Variants in MXI1 observed in about 807,000 individuals in gnomAD.
The protein encoded by MXI1 is MAX interactor 1, dimerization protein.
Under a neutral mutation model 36.9 loss-of-function variants are expected in MXI1, and 18 were observed. The ratio of observed to expected loss-of-function variants is 0.49; its 90% CI spans 0.34 to 0.72. The LOEUF (loss-of-function observed/expected upper bound fraction) is 0.72, where lower values mean the gene tolerates loss of function less well. Among genes scored for constraint, MXI1 ranks in the 30% least tolerant of loss-of-function variants. The pLI, the probability that MXI1 is intolerant of heterozygous loss-of-function variation, is 0.01. For missense variants in MXI1, 304 were observed against 379.1 expected (o/e 0.80, Z 1.64); for synonymous variants, 160 against 146.7 (o/e 1.09, Z -0.65).
chr10:110,226,042 C>CGCGGCTGGG (rs1471044346), intron 1 of MXI1: 27 of 887,272 alleles, frequency 3.0e-5, no homozygotes, highest in Admixed American at 8.1e-5. Context: ...GCGCGGCTGG[C>CGCGGCTGGG]GCGGCTGGGG....
chr10:110,249,806 G>A (rs1016778652), intron 3 of MXI1, among the ~76,000 whole-genome samples: 1 of 152,132 alleles, frequency 6.6e-6, no homozygotes, highest in Non-Finnish European at 1.5e-5. Context: ...CTGGATATAA[G>A]CTTCTCTGAG....
At chr10:110,275,162 A>G (rs1856985582) in intron 3 of MXI1, among the ~76,000 whole-genome samples, 1 of 152,110 alleles carries the variant, frequency 6.6e-6, no homozygotes, top group African/African-American at 2.4e-5. Flanking sequence ...GGCATGAGCT[A>G]CCGCACCCAG....
chr10:110,211,323 C>T (rs531116862), intron 1 of MXI1, among the ~76,000 whole-genome samples: 2 of 152,162 alleles, frequency 1.3e-5, no homozygotes, highest in Non-Finnish European at 2.9e-5. Context: ...TCTGACGTCA[C>T]GCGTTGCTGG....
intron 1 of MXI1, among the ~76,000 whole-genome samples, chr10:110,211,466 T>C (rs552202039): frequency 6.6e-6 from 1 of 152,334 alleles, no homozygotes; most frequent in South Asian, 2.1e-4. Flanking sequence ...GGGCCCCGAT[T>C]CTCCATTTCG....
At chr10:110,248,509 G>T (rs1190300345) in intron 3 of MXI1, among the ~76,000 whole-genome samples, 1 of 152,108 alleles carries the variant, frequency 6.6e-6, no homozygotes, top group Non-Finnish European at 1.5e-5. Context: ...TGTGGCATAG[G>T]TATAACACAT....
chr10:110,278,683 A>G (rs1450200804), intron 3 of MXI1, among the ~76,000 whole-genome samples: 3 of 146,822 alleles, frequency 2.0e-5, no homozygotes, highest in African/African-American at 2.6e-5. Context: ...TAGGATGGCT[A>G]CAGTTGTAGA....
intron 1 of MXI1, chr10:110,227,372 TGA>T (rs1855085408): frequency 3.1e-6 from 3 of 978,236 alleles, no homozygotes; most frequent in Non-Finnish European, 3.6e-6. Flanking sequence ...GAGGCGTGTG[TGA>T]GAGGTCGCGC....
At chr10:110,234,422 T>C (rs1211791585) in intron 2 of MXI1, among the ~76,000 whole-genome samples, 4 of 152,154 alleles carry the variant, frequency 2.6e-5, no homozygotes, top group Admixed American at 2.6e-4. Context: ...TTTGGTTTCC[T>C]ACATTTTAAA....
intron 2 of MXI1, among the ~76,000 whole-genome samples, chr10:110,244,450 G>A: frequency 1.3e-5 from 2 of 151,530 alleles, no homozygotes; most frequent in East Asian, 3.9e-4. Context: ...AGGAGGACAT[G>A]GAAGTACACC....
At chr10:110,243,617 A>G (rs1454098048) in intron 2 of MXI1, among the ~76,000 whole-genome samples, 3 of 152,170 alleles carry the variant, frequency 2.0e-5, no homozygotes, top group Non-Finnish European at 4.4e-5. Flanking sequence ...ACAGGAATTT[A>G]AATTCTCCTT....
chr10:110,265,080 C>T (rs1402732451), intron 3 of MXI1, among the ~76,000 whole-genome samples: 5 of 152,092 alleles, frequency 3.3e-5, no homozygotes. Context: ...TTGGCACCTT[C>T]AATTTGCAAA....
At chr10:110,227,678 T>G in intron 1 of MXI1, 1 of 482,952 alleles carries the variant, frequency 2.1e-6, no homozygotes, top group Non-Finnish European at 2.7e-6. Context: ...TGAGATGGGG[T>G]CCCTTTAGCG....
In MXI1 at chr10:110,284,913, C is replaced by T; in HGVS notation, c.814C>T (p.His272Tyr). 1 of 1,613,806 alleles carries T rather than the reference C, an allele frequency of 6.2e-7. No homozygotes were observed. ...STTSISDIDD[H>Y]SSLPSIGSDE... ...CACCAGCATCAGTGACATTGATGAC[C>T]ACAGCAGCCTGCCGAGTATTGGGAG... is the stretch of plus-strand genomic sequence containing the variant. Residue 272 changes from histidine to tyrosine, a missense_variant, in exon 6 of 6, where the codon CAC (histidine) becomes TAC (tyrosine). By Grantham distance (83) the His-to-Tyr change is moderately conservative. Around this residue, in one of 2 missense-constraint regions of MXI1, gnomAD observed 125 missense variants for 194.3 expected, o/e 0.64. Transcript: ENST00000332674.
intron 3 of MXI1, among the ~76,000 whole-genome samples, chr10:110,247,353 G>T (rs916656369): frequency 9.2e-5 from 14 of 152,096 alleles, no homozygotes; most frequent in African/African-American, 3.4e-4. Flanking sequence ...TGACTCTGAT[G>T]GTAGTTTCTT....
At chr10:110,223,999 A>C (rs2134342131) in intron 1 of MXI1, among the ~76,000 whole-genome samples, 1 of 152,230 alleles carries the variant, frequency 6.6e-6, no homozygotes, top group African/African-American at 2.4e-5. Flanking sequence ...ACCAAAAAAA[A>C]AGAAAAGAAA....
intron 1 of MXI1, among the ~76,000 whole-genome samples, chr10:110,219,250 A>G (rs2134334996): frequency 6.6e-6 from 1 of 152,364 alleles, no homozygotes; most frequent in South Asian, 2.1e-4. Context: ...CAGTGAGCCA[A>G]GGTCGTGCCA....
chr10:110,226,113 C>T, intron 1 of MXI1: 2 of 1,217,752 alleles, frequency 1.6e-6, no homozygotes, highest in Non-Finnish European at 2.1e-6. Flanking sequence ...GCCCGTCGCA[C>T]ATGTTCCGGA....
chr10:110,209,573 C>G (rs577325397), intron 1 of MXI1, among the ~76,000 whole-genome samples: 2 of 152,306 alleles, frequency 1.3e-5, no homozygotes, highest in African/African-American at 2.4e-5. Context: ...TCTCTTCTCG[C>G]CTGTTTTCCC....
At chr10:110,247,940 C>T (rs1855932362) in intron 3 of MXI1, among the ~76,000 whole-genome samples, 1 of 152,142 alleles carries the variant, frequency 6.6e-6, no homozygotes, top group Non-Finnish European at 1.5e-5. Context: ...GACTTGGAAC[C>T]AAGCCAGATG....
Sources: allele counts gnomAD v4.1 joint callset (sites outside exome capture counted in the v4.1 genomes callset), GRCh38; gene constraint gnomAD v4.1.1; regional missense constraint gnomAD v4.1.1; transcripts MANE v1.5; gene names NCBI Gene and HGNC (gene_info 2026-07-23, HGNC 2026-07-21).